Variants in PCDH7 observed in about 807,000 individuals in gnomAD.
PCDH7 encodes protocadherin-7.
Under a neutral mutation model 58.9 loss-of-function variants are expected in PCDH7, and 17 were observed. The observed-to-expected ratio is 0.29, with a 90% confidence interval of 0.20 to 0.43. The LOEUF is 0.43. PCDH7 is among the 20% of genes least tolerant of loss of function. The pLI is 1.00. For missense variants in PCDH7, 1,274 were observed against 1,441.0 expected (o/e 0.88, Z 1.88); for synonymous variants, 664 against 616.4 (o/e 1.08, Z -1.14).
intron 3 of PCDH7, among the ~76,000 whole-genome samples, chr4:30,978,607 A>G (rs569385757): frequency 6.6e-6 from 1 of 152,324 alleles, no homozygotes; most frequent in South Asian, 2.1e-4. Flanking sequence ...CTGATTTTAT[A>G]ATTTGCAAGA....
intron 1 of PCDH7, among the ~76,000 whole-genome samples, chr4:30,751,901 T>C (rs1037912491): frequency 6.6e-6 from 1 of 152,228 alleles, no homozygotes; most frequent in Non-Finnish European, 1.5e-5. Context: ...TGGAATGTCC[T>C]TCCTATTCGC....
intron 1 of PCDH7, among the ~76,000 whole-genome samples, chr4:30,817,727 G>C (rs995425025): frequency 6.6e-6 from 1 of 151,744 alleles, no homozygotes; most frequent in African/African-American, 2.4e-5. Flanking sequence ...GCATGTTATT[G>C]TGTTGTTCTG....
chr4:30,904,287 G>A (rs1334380433), intron 1 of PCDH7, among the ~76,000 whole-genome samples: 1 of 152,148 alleles, frequency 6.6e-6, no homozygotes, highest in Non-Finnish European at 1.5e-5. Flanking sequence ...CAAGGGGGCT[G>A]GCAAATCAAT....
At chr4:30,991,193 T>C (rs974912163) in intron 3 of PCDH7, among the ~76,000 whole-genome samples, 1 of 152,188 alleles carries the variant, frequency 6.6e-6, no homozygotes, top group Admixed American at 6.5e-5. Flanking sequence ...CATGGAAATG[T>C]TGTGAGTTTG....
intron 2 of PCDH7, among the ~76,000 whole-genome samples, chr4:30,935,907 A>G (rs1396668118): frequency 6.6e-6 from 1 of 152,120 alleles, no homozygotes; most frequent in Non-Finnish European, 1.5e-5. Flanking sequence ...TTGCAATACA[A>G]TTGGAGCACA....
At chr4:31,063,953 G>A (rs188965039) in intron 3 of PCDH7, among the ~76,000 whole-genome samples, 12 of 151,984 alleles carry the variant, frequency 7.9e-5, no homozygotes, top group South Asian at 2.1e-4. Flanking sequence ...AACCCAATTC[G>A]ATCTGAAAAC....
chr4:30,774,440 G>T (rs1577740444), intron 1 of PCDH7, among the ~76,000 whole-genome samples: 1 of 152,248 alleles, frequency 6.6e-6, no homozygotes, highest in East Asian at 1.9e-4. Flanking sequence ...TGTATAAAGT[G>T]TTTATTACAG....
At chr4:30,844,482 T>C (rs1731652880) in intron 1 of PCDH7, among the ~76,000 whole-genome samples, 1 of 152,190 alleles carries the variant, frequency 6.6e-6, no homozygotes, top group Non-Finnish European at 1.5e-5. Flanking sequence ...TTCCACATAC[T>C]TCTGTTGCCT....
At chr4:31,002,230 T>TG (rs372526565) in intron 3 of PCDH7, among the ~76,000 whole-genome samples, 2 of 152,148 alleles carry the variant, frequency 1.3e-5, no homozygotes, top group Non-Finnish European at 2.9e-5. Flanking sequence ...AATGTAATTC[T>TG]GGGGGTATAT....
intron 1 of PCDH7, among the ~76,000 whole-genome samples, chr4:30,830,004 C>T (rs201187193): frequency 8.6e-5 from 13 of 152,030 alleles, no homozygotes; most frequent in East Asian, 7.7e-4. Context: ...GTTTCATGCA[C>T]GTTAATTTTT....
chr4:30,964,489 C>T (rs1460010564), intron 3 of PCDH7, among the ~76,000 whole-genome samples: 1 of 152,106 alleles, frequency 6.6e-6, no homozygotes, highest in Non-Finnish European at 1.5e-5. Flanking sequence ...GATCCGCCTG[C>T]CTCGGCCTCC....
chr4:31,018,022 C>G (rs1374462072), intron 3 of PCDH7, among the ~76,000 whole-genome samples: 5 of 152,068 alleles, frequency 3.3e-5, no homozygotes, highest in African/African-American at 1.2e-4. Context: ...TTAATAATCC[C>G]CAGATTTGTA....
Position 30,877,528 on chromosome 4 carries a change from G to A in PCDH7, c.71-42625G>A, listed in dbSNP as rs565944552. Among the ~76,000 whole-genome samples the A allele has an allele frequency of 3.3e-5, 5 of 152,270 alleles. No individual in the cohort carries two copies. In the East Asian group the frequency reaches 9.7e-4, roughly 29 times the overall value. ...ATACGGTTTGAACTGAAGGAAAGGAGGCAGCAGGCCCATGGTCTAGACAGA... is the reference window on the plus strand; with the variant it reads ...ATACGGTTTGAACTGAAGGAAAGGAAGCAGCAGGCCCATGGTCTAGACAGA... On this transcript the variant is annotated intron_variant, in intron 1 of 3. Coordinates refer to the PCDH7 transcript ENST00000509759.
At chr4:31,088,823 A>G (rs1490782388) in intron 3 of PCDH7, among the ~76,000 whole-genome samples, 1 of 152,110 alleles carries the variant, frequency 6.6e-6, no homozygotes, top group Non-Finnish European at 1.5e-5. Context: ...AGTAACCGTA[A>G]TTCTTTTCAC....
chr4:30,760,674 C>T (rs1719908943), intron 1 of PCDH7, among the ~76,000 whole-genome samples: 2 of 152,084 alleles, frequency 1.3e-5, no homozygotes, highest in South Asian at 4.1e-4. Context: ...AACTACAAAC[C>T]ACTGCTCAAG....
chr4:30,958,915 C>G (rs886548004), intron 3 of PCDH7, among the ~76,000 whole-genome samples: 1 of 151,892 alleles, frequency 6.6e-6, no homozygotes, highest in African/African-American at 2.4e-5. Flanking sequence ...GTAGATAATA[C>G]CATACTTTTT....
chr4:30,855,743 T>C (rs1733368170), intron 1 of PCDH7, among the ~76,000 whole-genome samples: 1 of 152,162 alleles, frequency 6.6e-6, no homozygotes, highest in South Asian at 2.1e-4. Flanking sequence ...AATTCTGTTC[T>C]TTTTCTTGTT....
At chr4:30,948,554 A>T (rs1746993696) in intron 2 of PCDH7, among the ~76,000 whole-genome samples, 1 of 152,160 alleles carries the variant, frequency 6.6e-6, no homozygotes, top group African/African-American at 2.4e-5. Flanking sequence ...TACATGCAAT[A>T]TCAATTAATG....
At chr4:30,815,486 T>A (rs1727558371) in intron 1 of PCDH7, among the ~76,000 whole-genome samples, 1 of 152,178 alleles carries the variant, frequency 6.6e-6, no homozygotes, top group Admixed American at 6.5e-5. Flanking sequence ...TACAATGACA[T>A]GTTTCCAGGG....
Sources: gnomAD v4.1 joint callset for allele counts (sites outside exome capture counted in the v4.1 genomes callset) on GRCh38, gnomAD v4.1.1 for gene constraint, MANE v1.5 for transcripts, NCBI Gene and HGNC (gene_info 2026-07-23, HGNC 2026-07-21) for gene names.